Variants in ANTXR2 observed in about 807,000 individuals in gnomAD.
The protein encoded by ANTXR2 is anthrax toxin receptor 2.
In ANTXR2, 44 loss-of-function variants were observed where a neutral mutation model predicts 73.7. That is an observed-to-expected ratio of 0.60 (90% CI 0.47 to 0.77). The LOEUF is 0.77. Ranked by LOEUF, ANTXR2 falls within the 30% of genes least tolerant of loss-of-function variation. The pLI, the probability that ANTXR2 is intolerant of heterozygous loss-of-function variation, is 0.00. For synonymous variants in ANTXR2, 217 were observed against 205.9 expected (o/e 1.05, Z -0.46); for missense variants, 604 against 592.5 (o/e 1.02, Z -0.20).
intron 16 of ANTXR2, among the ~76,000 whole-genome samples, chr4:79,915,850 C>CTA (rs1169457455): frequency 1.1e-3 from 132 of 120,568 alleles, no homozygotes; most frequent in Middle Eastern, 4.4e-3. Flanking sequence ...CTCTCTCTCT[C>CTA]TCTCTCTCTC....
In ANTXR2 at chr4:79,977,697, C is replaced by G. The variant is rs761016397; in HGVS notation, c.1352G>C (p.Arg451Pro). ...CAACAAAGCCCAGAGAGCATCAAGA[C>G]GACCCTAAGGGAAAATGAGATTTGT... ...QTKWYTPIKG[R>P]LDALWALLRR... Residue 451 changes from arginine to proline, a missense_variant, in exon 16 of 17, where the codon CGT becomes CCT. Physicochemically the swap from Arg to Pro is moderately radical, Grantham distance 103. Coordinates refer to ENST00000403729, the MANE Select transcript of ANTXR2 (RefSeq NM_058172.6). 7.6e-6 allele frequency: 12 copies of G among 1,573,460 alleles called. No individual in the cohort carries two copies. In the South Asian group the frequency reaches 1.4e-4, roughly 18 times the overall value.
At chr4:80,071,469 C>T in intron 2 of ANTXR2, 114 bp downstream of exon 2, 1 of 824,274 alleles carries the variant, frequency 1.2e-6, no homozygotes. Flanking sequence ...GACCTTGAGG[C>T]ACTTAAAAGT....
chr4:80,023,420 T>C (rs929469189), intron 10 of ANTXR2, among the ~76,000 whole-genome samples: 4 of 152,248 alleles, frequency 2.6e-5, no homozygotes, highest in Non-Finnish European at 5.9e-5. Context: ...TAAATGAGTA[T>C]TTATTAATTG....
At chr4:80,055,530 A>G in intron 4 of ANTXR2, 63 bp from the exon 5 acceptor site, 1 of 1,348,876 alleles carries the variant, frequency 7.4e-7, no homozygotes, top group Non-Finnish European at 1.0e-6. Flanking sequence ...AGCATGTTCC[A>G]TCAAGCTGAA....
At chr4:80,040,936 T>C (rs1165754064) in intron 7 of ANTXR2, among the ~76,000 whole-genome samples, 3 of 152,060 alleles carry the variant, frequency 2.0e-5, no homozygotes, top group South Asian at 4.1e-4. Flanking sequence ...AACATTAATA[T>C]AGATAACAAA....
chr4:79,936,075 C>T (rs1423527503), intron 16 of ANTXR2, among the ~76,000 whole-genome samples: 4 of 152,198 alleles, frequency 2.6e-5, no homozygotes, highest in Non-Finnish European at 5.9e-5. Flanking sequence ...AAGTGTACAA[C>T]CTCTAGCCAG....
rs1010429324 is a variant in ANTXR2 at position 79,960,580 on chromosome 4, A to C, written c.1428+17041T>G. Among the ~76,000 whole-genome samples the C allele has an allele frequency of 4.6e-5, 7 of 152,160 alleles. No individual in the cohort carries two copies. The East Asian group carries it at 1.3e-3, about 29-fold the overall frequency. ...AAAGTGTTAACCCAAAGCCAGAAAAAATAAAATGGTAAACAAATGTCCAGG... is the reference window on the plus strand; with the variant it reads ...AAAGTGTTAACCCAAAGCCAGAAAACATAAAATGGTAAACAAATGTCCAGG... On this transcript the variant is annotated intron_variant, in intron 16 of 16. Transcript: ENST00000403729.
intron 16 of ANTXR2, among the ~76,000 whole-genome samples, chr4:79,953,993 C>A (rs1420953233): frequency 6.6e-6 from 1 of 152,026 alleles, no homozygotes; most frequent in Non-Finnish European, 1.5e-5. Flanking sequence ...ATTAATATAA[C>A]TAAAACACTA....
At chr4:79,982,516 T>C (rs1220740081) in intron 14 of ANTXR2, among the ~76,000 whole-genome samples, 2 of 152,182 alleles carry the variant, frequency 1.3e-5, no homozygotes, top group Non-Finnish European at 2.9e-5. Context: ...ACATCCTATA[T>C]ACTTTCTTCC....
chr4:80,042,913 T>C (rs2110094680), intron 7 of ANTXR2, among the ~76,000 whole-genome samples: 1 of 152,178 alleles, frequency 6.6e-6, no homozygotes, highest in East Asian at 1.9e-4. Context: ...CGATGGTTGT[T>C]CTCAGAGGGC....
At chr4:79,984,786 A>AG in intron 13 of ANTXR2, 33 bp downstream of exon 13, 1 of 1,580,590 alleles carries the variant, frequency 6.3e-7, no homozygotes, top group Non-Finnish European at 8.7e-7. Flanking sequence ...GAAAAAAAAA[A>AG]CAGCCATATC....
chr4:80,058,970 G>A (rs980631802), intron 3 of ANTXR2, among the ~76,000 whole-genome samples: 37 of 152,010 alleles, frequency 2.4e-4, no homozygotes, highest in Non-Finnish European at 5.9e-5. Flanking sequence ...TAGTTGCTAT[G>A]TACTTCCTCT....
intron 11 of ANTXR2, among the ~76,000 whole-genome samples, chr4:80,012,509 A>G (rs1168916553): frequency 6.6e-6 from 1 of 152,170 alleles, no homozygotes; most frequent in African/African-American, 2.4e-5. Flanking sequence ...TGTGACAGAG[A>G]CCATATGGCC....
chr4:79,914,553 A>C (rs953673685), intron 16 of ANTXR2, among the ~76,000 whole-genome samples: 2 of 152,050 alleles, frequency 1.3e-5, no homozygotes, highest in African/African-American at 4.8e-5. Flanking sequence ...GAATTGCCTA[A>C]ACCTGTACCT....
At chr4:79,958,090 T>G (rs1728992755) in intron 16 of ANTXR2, among the ~76,000 whole-genome samples, 1 of 152,104 alleles carries the variant, frequency 6.6e-6, no homozygotes. Flanking sequence ...TGTCTCATTT[T>G]CTAGCTCTTG....
rs575613132 is a variant in ANTXR2 at position 79,978,188 on chromosome 4, G to A, written c.1180-14C>T. ...ACCCCAACGAACCTGTAAAACAAAG[G>A]GAGAGTACTGTTATCAGACATAAAG... On this transcript the variant is annotated splice_polypyrimidine_tract_variant and intron_variant, in intron 14 of 16. Coordinates refer to ENST00000403729, the MANE Select transcript of ANTXR2 (RefSeq NM_058172.6). The A allele has an allele frequency of 4.5e-5, 73 of 1,612,406 alleles. No individual in the cohort carries two copies. The highest frequency in any genetic ancestry group is 6.7e-5 in the Admixed American group (4 of 59,840).
intron 16 of ANTXR2, among the ~76,000 whole-genome samples, chr4:79,975,526 G>C (rs1307199944): frequency 6.6e-6 from 1 of 152,158 alleles, no homozygotes; most frequent in Non-Finnish European, 1.5e-5. Flanking sequence ...AGAGAACTGA[G>C]ACCACTGTCT....
intron 16 of ANTXR2, among the ~76,000 whole-genome samples, chr4:79,910,045 T>TAAC (rs1270182231): frequency 6.6e-6 from 1 of 152,212 alleles, no homozygotes; most frequent in Non-Finnish European, 1.5e-5. Flanking sequence ...TGCCACTTCT[T>TAAC]AACTGTGTGA....
intron 16 of ANTXR2, among the ~76,000 whole-genome samples, chr4:79,921,998 G>A (rs766340940): frequency 4.6e-5 from 7 of 151,934 alleles, no homozygotes; most frequent in Non-Finnish European, 8.8e-5. Context: ...TATTACAGAT[G>A]TATGATATAA....
Sources: allele counts gnomAD v4.1 joint callset (sites outside exome capture counted in the v4.1 genomes callset), GRCh38; gene constraint gnomAD v4.1.1; transcripts MANE v1.5; gene names NCBI Gene and HGNC (gene_info 2026-07-23, HGNC 2026-07-21).